The following TMCO1 variants were observed in gnomAD, a reference collection of about 807,000 sequenced individuals.
The protein encoded by TMCO1 is transmembrane and coiled-coil domains 1.
In TMCO1, 29 loss-of-function variants were observed where a neutral mutation model predicts 29.3. The ratio of observed to expected loss-of-function variants is 0.99; its 90% CI spans 0.74 to 1.35. The LOEUF (loss-of-function observed/expected upper bound fraction) is 1.35. Ranked by LOEUF, TMCO1 falls within the 40% of genes most tolerant of loss-of-function variation. TMCO1 has a pLI of 0.00. For missense variants in TMCO1, 173 were observed against 225.5 expected (o/e 0.77, Z 1.49); for synonymous variants, 80 against 77.1 (o/e 1.04, Z -0.20).
intron 2 of TMCO1, 85 bp downstream of exon 2, chr1:165,768,107 C>T (rs764942555): frequency 2.6e-5 from 30 of 1,159,638 alleles, no homozygotes; most frequent in Non-Finnish European, 3.7e-5. Context: ...TTTGTATCAG[C>T]TGGTGCTCTT....
intron 3 of TMCO1, among the ~76,000 whole-genome samples, chr1:165,755,654 TCAAAAA>T (rs201419413): frequency 0.013 from 2,019 of 152,086 alleles, 54 homozygotes; most frequent in African/African-American, 0.047. Flanking sequence ...TAACCTTGCT[TCAAAAA>T]CAAAAACAAA....
chr1:165,728,126 G>A lies in TMCO1; in HGVS notation c.469-5C>T. 2 of 1,605,264 alleles carry A rather than the reference G, an allele frequency of 1.2e-6. No individual in the cohort carries two copies. Among genetic ancestry groups the A allele is most frequent in the Non-Finnish European group, 1.7e-6 (2 of 1,174,102 alleles). ...GCCGAGAATCTTCTGAATGTTCTGT[G>A]AAGAAAGCACAGTAAGGATTGGGTT... On this transcript the variant is annotated splice_region_variant and splice_polypyrimidine_tract_variant and intron_variant, in intron 6 of 6. Transcript: ENST00000367881.
rs1345289125 is a variant in TMCO1 at position 165,727,434 on chromosome 1, G to A, written c.*589C>T. The A allele has an allele frequency of 2.2e-6, 1 of 453,648 alleles. No homozygotes were observed. The highest frequency in any genetic ancestry group is 4.4e-6 in the Non-Finnish European group (1 of 226,650). The allele number at this position is 453,648 out of a possible 1,614,324, so 28.1% of individuals were successfully genotyped here. On this transcript the variant is annotated 3_prime_UTR_variant, in exon 7 of 7. Coordinates refer to ENST00000367881, the MANE Select transcript of TMCO1 (RefSeq NM_019026.6). ...TATTTTGAGTATATGAGTCAAGTAT[G>A]GCAAAAAGTACAGTACCTTAAAAAC... is the stretch of plus-strand genomic sequence containing the variant.
intron 6 of TMCO1, among the ~76,000 whole-genome samples, chr1:165,729,230 T>C (rs1241181695): frequency 6.6e-6 from 1 of 152,094 alleles, no homozygotes; most frequent in African/African-American, 2.4e-5. Flanking sequence ...TCTTTTTCCA[T>C]TGTTTCACCT....
chr1:165,729,047 G>T (rs780356348), intron 6 of TMCO1, among the ~76,000 whole-genome samples: 107 of 149,566 alleles, frequency 7.2e-4, no homozygotes, highest in African/African-American at 2.6e-3. Flanking sequence ...CAGAGGCTGC[G>T]TGAGCCAAGA....
At position 165,727,572 on chromosome 1, in the gene TMCO1, A is replaced by T. The variant is rs1331355033; in HGVS notation, c.*451T>A. 2 of 453,810 alleles carry T rather than the reference A, an allele frequency of 4.4e-6. No homozygotes were observed. Among genetic ancestry groups the T allele is most frequent in the Non-Finnish European group, 8.8e-6 (2 of 226,762 alleles). 28.1% of individuals were successfully genotyped at this position (453,810 alleles called of 1,614,324 possible). A position where few individuals can be genotyped will look rare whatever the true frequency, so the allele number is the denominator to read the frequency against. On this transcript the variant is annotated 3_prime_UTR_variant, in exon 7 of 7. Transcript: ENST00000367881. ...AAACAGCTAAAAATTTGGCCTCTTTATTGATCTTATGTCATGTATTTGGCT... is the reference window on the plus strand; with the variant it reads ...AAACAGCTAAAAATTTGGCCTCTTTTTTGATCTTATGTCATGTATTTGGCT...
At chr1:165,742,267 C>G (rs867328055) in intron 6 of TMCO1, among the ~76,000 whole-genome samples, 9 of 147,888 alleles carry the variant, frequency 6.1e-5, no homozygotes, top group South Asian at 2.2e-4. Flanking sequence ...CGGCTCCCCC[C>G]CTTTTCTTTT....
At chr1:165,761,022 C>A (rs1258036124) in intron 2 of TMCO1, among the ~76,000 whole-genome samples, 1 of 152,158 alleles carries the variant, frequency 6.6e-6, no homozygotes, top group Non-Finnish European at 1.5e-5. Flanking sequence ...GGGTAGAACT[C>A]TTTCCCTTAG....
intron 4 of TMCO1, among the ~76,000 whole-genome samples, chr1:165,752,942 T>A (rs991595766): frequency 2.6e-5 from 4 of 152,190 alleles, no homozygotes; most frequent in African/African-American, 7.2e-5. Flanking sequence ...AGTTAATAAG[T>A]ACTGGCAAAA....
At position 165,738,383 on chromosome 1, in the gene TMCO1, A is replaced by AT. The variant is rs1651466530; in HGVS notation, c.468+4783dup. 3.9e-5 allele frequency among the ~76,000 whole-genome samples: 6 copies of AT among 152,334 alleles called. No individual in the cohort carries two copies. The South Asian group carries it at 1.2e-3, about 32-fold the overall frequency. ...TGGGAAAATCACGGTACAGTCTACA[A>AT]TTTGAGTTTCTGAAATCCTCATATT... is the stretch of plus-strand genomic sequence containing the variant. On this transcript the variant is annotated intron_variant, in intron 6 of 6. Transcript: ENST00000367881.
intron 5 of TMCO1, among the ~76,000 whole-genome samples, chr1:165,747,919 G>A (rs979306862): frequency 1.3e-5 from 2 of 152,170 alleles, no homozygotes; most frequent in African/African-American, 4.8e-5. Context: ...AGCACTCTGG[G>A]AGGCCGAGGC....
At chr1:165,763,305 C>G (rs1416349720) in intron 2 of TMCO1, among the ~76,000 whole-genome samples, 1 of 152,162 alleles carries the variant, frequency 6.6e-6, no homozygotes, top group Non-Finnish European at 1.5e-5. Context: ...ATTCCTCATG[C>G]TAAATATAAT....
downstream of TMCO1, chr1:165,725,697 T>G (rs1214865575): frequency 2.2e-6 from 1 of 454,032 alleles, no homozygotes; most frequent in African/African-American, 2.0e-5. Context: ...TCCAAATAAC[T>G]AGTCTTGAAA....
chr1:165,743,396 T>C, intron 5 of TMCO1, 85 bp from the exon 6 acceptor site: 1 of 1,421,186 alleles, frequency 7.0e-7, no homozygotes, highest in East Asian at 2.3e-5. Flanking sequence ...GGGACAGAAA[T>C]AGAGCTTTAA....
chr1:165,764,310 G>A (rs1479178363), intron 2 of TMCO1, among the ~76,000 whole-genome samples: 1 of 152,160 alleles, frequency 6.6e-6, no homozygotes. Context: ...ACTGCATTAG[G>A]TACTGTGGAT....
chr1:165,765,504 G>A (rs968687571), intron 2 of TMCO1, among the ~76,000 whole-genome samples: 2 of 152,130 alleles, frequency 1.3e-5, no homozygotes, highest in South Asian at 2.1e-4. Context: ...GGCTGGTCTC[G>A]AAGGCCTGAC....
intron 2 of TMCO1, 143 bp downstream of exon 2, chr1:165,768,049 T>C (rs1427743311): frequency 9.4e-6 from 7 of 742,494 alleles, no homozygotes; most frequent in Admixed American, 4.1e-5. Context: ...ATTACACATT[T>C]TGCATAAAAG....
At chr1:165,733,729 A>G (rs1265862427) in intron 6 of TMCO1, among the ~76,000 whole-genome samples, 1 of 152,240 alleles carries the variant, frequency 6.6e-6, no homozygotes, top group East Asian at 1.9e-4. Context: ...GAAAAATGTA[A>G]AACAATTATT....
intron 6 of TMCO1, among the ~76,000 whole-genome samples, chr1:165,736,453 C>CA (rs58254079): frequency 0.013 from 2,012 of 152,214 alleles, 50 homozygotes; most frequent in African/African-American, 0.047. Context: ...CGCGGGGGCT[C>CA]ACGCCTGTAA....
Sources: allele counts gnomAD v4.1 joint callset (sites outside exome capture counted in the v4.1 genomes callset), GRCh38; gene constraint gnomAD v4.1.1; transcripts MANE v1.5; gene names NCBI Gene and HGNC (gene_info 2026-07-23, HGNC 2026-07-21).